Variants in PHAF1 observed in about 807,000 individuals in gnomAD.
PHAF1 encodes the protein phagophore assembly factor 1.
In PHAF1, 23 loss-of-function variants were observed where a neutral mutation model predicts 63.1. That is an observed-to-expected ratio of 0.36 (90% CI 0.26 to 0.52). The LOEUF (loss-of-function observed/expected upper bound fraction) is 0.52, where lower values mean the gene tolerates loss of function less well. Among genes scored for constraint, PHAF1 ranks in the 20% least tolerant of loss-of-function variants. The pLI is 0.93. For synonymous variants in PHAF1, 167 were observed against 185.0 expected, an observed-to-expected ratio of 0.90 and a Z score of 0.79; for missense variants, 427 against 517.2, an observed-to-expected ratio of 0.83 and a Z score of 1.69.
intron 10 of PHAF1, among the ~76,000 whole-genome samples, chr16:67,141,864 C>T (rs1963823204): frequency 6.6e-6 from 1 of 152,194 alleles, no homozygotes; most frequent in Admixed American, 6.5e-5. Flanking sequence ...GTCTGGGCTT[C>T]CTGAAGGGCT....
intron 1 of PHAF1, among the ~76,000 whole-genome samples, chr16:67,115,193 C>T (rs979421178): frequency 6.6e-6 from 1 of 152,236 alleles, no homozygotes; most frequent in African/African-American, 2.4e-5. Flanking sequence ...CCACCTACAG[C>T]TGTGCCAGGC....
chr16:67,133,746 C>G (rs1389812337), intron 6 of PHAF1, among the ~76,000 whole-genome samples: 1 of 150,640 alleles, frequency 6.6e-6, no homozygotes, highest in East Asian at 2.0e-4. Context: ...TGCCACTGCA[C>G]TCTAGCCTGG....
intron 2 of PHAF1, among the ~76,000 whole-genome samples, chr16:67,120,515 T>G (rs1217221656): frequency 6.6e-6 from 1 of 151,840 alleles, no homozygotes; most frequent in African/African-American, 2.4e-5. Context: ...AGTGCTTACC[T>G]TCCACTTCCG....
intron 8 of PHAF1, among the ~76,000 whole-genome samples, chr16:67,139,356 T>C (rs1196468396): frequency 7.1e-6 from 1 of 141,460 alleles, no homozygotes; most frequent in African/African-American, 2.7e-5. Context: ...TTTTTTTTTT[T>C]TTTTTTTTTT....
intron 3 of PHAF1, among the ~76,000 whole-genome samples, chr16:67,127,734 T>C (rs1045668241): frequency 6.6e-6 from 1 of 151,966 alleles, no homozygotes; most frequent in African/African-American, 2.4e-5. Context: ...AGGCAGAGTT[T>C]GCAGTGAGCT....
chr16:67,124,962 G>A (rs1963129493), intron 2 of PHAF1, among the ~76,000 whole-genome samples: 1 of 152,066 alleles, frequency 6.6e-6, no homozygotes, highest in Non-Finnish European at 1.5e-5. Flanking sequence ...GAAGGGTGGG[G>A]TTTTAGATGG....
chr16:67,126,070 AT>A, intron 3 of PHAF1, 28 bp downstream of exon 3: 1 of 1,541,418 alleles, frequency 6.5e-7, no homozygotes. Flanking sequence ...CTAATGTTTC[AT>A]GTCCAGCTGG....
Position 67,110,039 on chromosome 16 carries a change from T to TGCCGCC in PHAF1, c.-135_-130dup, listed in dbSNP as rs1329663517. ...GGTGTTGGGCCGGTGCTGCTGCCGC[T>TGCCGCC]GCCGCCGGGGAGGAGGTGGAAAGCG... On this transcript the variant is annotated 5_prime_UTR_variant, in exon 1 of 16. Transcript: ENST00000219139. The TGCCGCC allele has an allele frequency of 9.3e-6, 8 of 864,230 alleles. No homozygotes were observed. The highest frequency in any genetic ancestry group is 1.4e-5 in the Non-Finnish European group (8 of 555,514). 53.5% of individuals were successfully genotyped at this position (864,230 alleles called of 1,614,324 possible).
Position 67,147,687 on chromosome 16 carries a change from G to GA in PHAF1, c.*556_*557insA, listed in dbSNP as rs2145899410. On this transcript the variant is annotated 3_prime_UTR_variant, in exon 16 of 16. Coordinates refer to ENST00000219139, the MANE Select transcript of PHAF1 (RefSeq NM_025187.5). ...CTTTCTTGCACGCGCTCCCTGCCTG[G>GA]GCACACCAAACTGGTTGAAACACAG... The GA allele has an allele frequency of 6.5e-6, 1 of 153,162 alleles. No homozygotes were observed. The highest frequency in any genetic ancestry group is 1.5e-5 in the Non-Finnish European group (1 of 68,318). The allele number at this position is 153,162 out of a possible 1,614,324, so 9.5% of individuals were successfully genotyped here.
At chr16:67,120,364 T>A (rs998586908) in intron 2 of PHAF1, among the ~76,000 whole-genome samples, 170 bp downstream of exon 2, 88 of 151,998 alleles carry the variant, frequency 5.8e-4, no homozygotes, top group African/African-American at 2.0e-3. Flanking sequence ...AAACTTCTGC[T>A]CTTGATTATC....
intron 1 of PHAF1, among the ~76,000 whole-genome samples, 191 bp from the exon 2 acceptor site, chr16:67,119,921 C>G (rs1962906298): frequency 1.3e-5 from 2 of 152,182 alleles, no homozygotes; most frequent in Non-Finnish European, 2.9e-5. Context: ...CAAGTATTCT[C>G]TTAGTGCTTG....
intron 1 of PHAF1, among the ~76,000 whole-genome samples, chr16:67,115,434 A>T (rs1400981931): frequency 6.6e-6 from 1 of 152,242 alleles, no homozygotes; most frequent in Non-Finnish European, 1.5e-5. Context: ...GCCTGAGGTG[A>T]GAAGGAGCTT....
At chr16:67,125,003 A>G (rs927655497) in intron 2 of PHAF1, among the ~76,000 whole-genome samples, 2 of 152,166 alleles carry the variant, frequency 1.3e-5, no homozygotes, top group East Asian at 1.9e-4. Flanking sequence ...GGCAGCCTCA[A>G]TCAGGGCTGT....
intron 2 of PHAF1, among the ~76,000 whole-genome samples, chr16:67,120,608 A>G (rs1265259797): frequency 6.6e-6 from 1 of 150,384 alleles, no homozygotes; most frequent in Admixed American, 6.7e-5. Flanking sequence ...AGCACGGCAT[A>G]CCAGATTTGA....
Position 67,145,329 on chromosome 16 carries a change from G to A in PHAF1, c.1007-47G>A, listed in dbSNP as rs776806008. 1.1e-5 allele frequency: 17 copies of A among 1,609,182 alleles called. 1 individual carries two copies. The African/African-American group carries it at 2.3e-4, about 22-fold the overall frequency. ...TTCCTACCTAGGGCTGGGGCCACAG[G>A]TAGGCTGGGCCAGCTACAAATCTGC... On this transcript the variant is annotated intron_variant, in intron 12 of 15. Coordinates refer to ENST00000219139, the MANE Select transcript of PHAF1 (RefSeq NM_025187.5).
chr16:67,110,124 G>T lies in PHAF1; in HGVS notation c.-52G>T. ...CCGCTGCTTTGTCTCCTTAGCTCGGGTCCCTTCTGCGCTGCCGCAGGGAGG... is the reference window on the plus strand; with the variant it reads ...CCGCTGCTTTGTCTCCTTAGCTCGGTTCCCTTCTGCGCTGCCGCAGGGAGG... On this transcript the variant is annotated 5_prime_UTR_variant, in exon 1 of 16. Transcript: ENST00000219139. The T allele has an allele frequency of 6.5e-7, 1 of 1,541,830 alleles. No individual in the cohort carries two copies. Among genetic ancestry groups the T allele is most frequent in the Non-Finnish European group, 8.8e-7 (1 of 1,140,108 alleles).
At chr16:67,110,892 C>T (rs1962485433) in intron 1 of PHAF1, among the ~76,000 whole-genome samples, 1 of 152,180 alleles carries the variant, frequency 6.6e-6, no homozygotes, top group Admixed American at 6.5e-5. Context: ...CTCACTGCAA[C>T]TTAACGCCTC....
intron 1 of PHAF1, among the ~76,000 whole-genome samples, chr16:67,111,375 C>CA (rs1188678006): frequency 6.6e-6 from 1 of 152,160 alleles, no homozygotes; most frequent in Non-Finnish European, 1.5e-5. Context: ...GATGTCCCAG[C>CA]ACTAAGAAAA....
At position 67,147,193 on chromosome 16, in the gene PHAF1, CCTCT is replaced by C; in HGVS notation, c.*63_*66del. ...TGTGCATCACATCCTGCTCAGTGGG[CCTCT>C]GTACCACCCTGTGGGTTTTCTTGGA... On this transcript the variant is annotated 3_prime_UTR_variant, in exon 16 of 16. Coordinates refer to ENST00000219139, the MANE Select transcript of PHAF1 (RefSeq NM_025187.5). The C allele has an allele frequency of 6.8e-7, 1 of 1,469,930 alleles. No individual in the cohort carries two copies. Among genetic ancestry groups the C allele is most frequent in the South Asian group, 1.1e-5 (1 of 86,958 alleles). The allele number at this position is 1,469,930 out of a possible 1,614,324, so 91.1% of individuals were successfully genotyped here.
Sources: gnomAD v4.1 joint callset for allele counts (sites outside exome capture counted in the v4.1 genomes callset) on GRCh38, gnomAD v4.1.1 for gene constraint, MANE v1.5 for transcripts, NCBI Gene and HGNC (gene_info 2026-07-23, HGNC 2026-07-21) for gene names.